RANGAP1: variants seen among roughly 807,000 people sequenced by gnomAD.
The protein encoded by RANGAP1 is ran GTPase-activating protein 1.
Under a neutral mutation model 63.5 loss-of-function variants are expected in RANGAP1, and 38 were observed. The observed-to-expected ratio is 0.60, with a 90% confidence interval of 0.46 to 0.78. RANGAP1 has a LOEUF of 0.78. RANGAP1 is among the 30% of genes least tolerant of loss of function. The probability of loss-of-function intolerance (pLI) is 0.00; values close to 1 mark genes in which losing one functional copy is unlikely to be tolerated. For synonymous variants in RANGAP1, 329 were observed against 310.5 expected (o/e 1.06, Z -0.63); for missense variants, 630 against 740.3 (o/e 0.85, Z 1.73).
intron 12 of RANGAP1, among the ~76,000 whole-genome samples, 198 bp downstream of exon 12, chr22:41,252,674 G>C (rs2033543844): frequency 6.6e-6 from 1 of 152,162 alleles, no homozygotes; most frequent in Non-Finnish European, 1.5e-5. Context: ...TAGGCTGAGT[G>C]GGGAGGGAAC....
chr22:41,280,591 A>C, intron 2 of RANGAP1: 1 of 1,132,318 alleles, frequency 8.8e-7, no homozygotes, highest in Non-Finnish European at 1.2e-6. Flanking sequence ...CATGGGGGTT[A>C]AGGGCAAGGG....
Position 41,274,684 on chromosome 22 carries a change from C to T in RANGAP1, c.156G>A (p.Glu52=). 1 of 1,614,184 alleles carries T rather than the reference C, an allele frequency of 6.2e-7. No homozygotes were observed. The highest frequency in any genetic ancestry group is 8.5e-7 in the Non-Finnish European group (1 of 1,180,014). The change falls in exon 3 of 16, where the codon GAG becomes GAA. Residue 52 remains glutamate (E), a synonymous_variant. Coordinates refer to ENST00000356244, the MANE Select transcript of RANGAP1 (RefSeq NM_002883.4). The part of the protein sequence containing the change: ...IKEIEDFDSL[E]ALRLEGNTVG... ...CTGTGTTGCCTTCCAGACGCAGAGC[C>T]TCCAAGCTGTCAAAGTCTTCAATCT...
chr22:41,272,496 T>C (rs1601681681), intron 3 of RANGAP1, among the ~76,000 whole-genome samples: 1 of 152,116 alleles, frequency 6.6e-6, no homozygotes, highest in African/African-American at 2.4e-5. Flanking sequence ...AGGAGTGTGA[T>C]GTGTGGCTTG....
chr22:41,296,967 T>C, the RANGAP1 span, among the ~76,000 whole-genome samples: 2 of 152,024 alleles, frequency 1.3e-5, no homozygotes, highest in African/African-American at 4.8e-5. Flanking sequence ...TCCTAGCACT[T>C]TGGGAGGCCG....
At chr22:41,246,819 G>A (rs755104120) in intron 15 of RANGAP1, 147 bp from the exon 16 acceptor site, 26 of 762,986 alleles carry the variant, frequency 3.4e-5, no homozygotes, top group Non-Finnish European at 5.0e-5. Context: ...TCTGCACACC[G>A]TGGGTGGGGA....
chr22:41,272,164 G>A (rs1354434705), intron 3 of RANGAP1, among the ~76,000 whole-genome samples: 3 of 152,196 alleles, frequency 2.0e-5, no homozygotes, highest in Non-Finnish European at 4.4e-5. Flanking sequence ...AGCAAGCTCA[G>A]CTCCTGCTGA....
At chr22:41,271,972 A>T (rs955815815) in intron 3 of RANGAP1, among the ~76,000 whole-genome samples, 1 of 152,214 alleles carries the variant, frequency 6.6e-6, no homozygotes, top group Admixed American at 6.5e-5. Context: ...CTGCATCTGT[A>T]GCAGGCGGGA....
upstream of RANGAP1, among the ~76,000 whole-genome samples, chr22:41,287,077 G>C (rs776684435): frequency 1.1e-4 from 16 of 152,162 alleles, no homozygotes; most frequent in Non-Finnish European, 2.4e-4. Flanking sequence ...GACTATATTA[G>C]ATAATAGTAT....
Position 41,277,203 on chromosome 22 carries a change from A to G in RANGAP1, c.113-2476T>C, listed in dbSNP as rs561771786. Among the ~76,000 whole-genome samples, 561 of 142,374 alleles carry G rather than the reference A, an allele frequency of 3.9e-3. 3 individuals are homozygous for G. The highest frequency in any genetic ancestry group is 5.3e-3 in the Non-Finnish European group (351 of 65,944). The allele number at this position is 142,374 out of a possible 152,430, so 93.4% of individuals were successfully genotyped here. A position where few individuals can be genotyped will look rare whatever the true frequency, so the allele number is the denominator to read the frequency against. Reference sequence around the variant, plus strand: ...CGCCATTCTCCTGCCTCAGCCTCCCAAGTAGCTGGGACTACAGGCGCCCGC... The same window carrying G: ...CGCCATTCTCCTGCCTCAGCCTCCCGAGTAGCTGGGACTACAGGCGCCCGC... On this transcript the variant is annotated intron_variant, in intron 2 of 15. Transcript: ENST00000356244.
the RANGAP1 span, among the ~76,000 whole-genome samples, chr22:41,296,143 G>T: frequency 6.6e-6 from 1 of 151,644 alleles, no homozygotes; most frequent in Non-Finnish European, 1.5e-5. Context: ...GATGTAAAAA[G>T]TTCTACTGAA....
chr22:41,247,246 A>G (rs1193051203), intron 15 of RANGAP1, among the ~76,000 whole-genome samples: 1 of 151,970 alleles, frequency 6.6e-6, no homozygotes, highest in Non-Finnish European at 1.5e-5. Flanking sequence ...TAGTAGAGAC[A>G]GGGTTTCACC....
At chr22:41,261,635 G>T (rs1483243773) in intron 5 of RANGAP1, 55 bp from the exon 6 acceptor site, 5 of 1,610,596 alleles carry the variant, frequency 3.1e-6, no homozygotes, top group Middle Eastern at 3.4e-4. Context: ...TCTCCCAGCG[G>T]GGTGGCCACT....
chr22:41,283,677 G>A (rs1442311188), intron 1 of RANGAP1, among the ~76,000 whole-genome samples: 1 of 152,212 alleles, frequency 6.6e-6, no homozygotes, highest in African/African-American at 2.4e-5. Flanking sequence ...TGTAGGGGCA[G>A]AGGGTTGGAG....
At chr22:41,297,729 C>T in the RANGAP1 span, among the ~76,000 whole-genome samples, 3 of 141,370 alleles carry the variant, frequency 2.1e-5, no homozygotes, top group Admixed American at 7.3e-5. Flanking sequence ...CTTGCTCTAT[C>T]GCCCAAGCTG....
At chr22:41,277,838 C>A (rs929732471) in intron 2 of RANGAP1, among the ~76,000 whole-genome samples, 1 of 152,162 alleles carries the variant, frequency 6.6e-6, no homozygotes, top group African/African-American at 2.4e-5. Flanking sequence ...AGCCTTTTCA[C>A]TTGTTTTCAT....
Position 41,254,291 on chromosome 22 carries a change from AGAT to A in RANGAP1, c.1260+14_1260+16del. The stretch of plus-strand genomic sequence containing the variant: ...TCAGGACCAGGGCTCTGATTGTGGC[AGAT>A]GATAGAAACTCACCCCAGTGTTAGG... On this transcript the variant is annotated intron_variant, in intron 11 of 15. Coordinates refer to ENST00000356244, the MANE Select transcript of RANGAP1 (RefSeq NM_002883.4). The A allele has an allele frequency of 6.2e-7, 1 of 1,614,044 alleles. No individual in the cohort carries two copies. The highest frequency in any genetic ancestry group is 8.5e-7 in the Non-Finnish European group (1 of 1,179,976).
chr22:41,256,184 C>T lies in RANGAP1; in HGVS notation c.988+7G>A, dbSNP rs909335596. The T allele has an allele frequency of 1.5e-5, 24 of 1,613,984 alleles. No homozygotes were observed. In the African/African-American group the frequency reaches 2.4e-4, roughly 16 times the overall value. On this transcript the variant is annotated splice_region_variant and intron_variant, in intron 9 of 15. Transcript: ENST00000356244. ...GACCTGTGCAGAGGCCTCCCCCATC[C>T]GACTACCATTCAGGTCCAGCTTCTC...
Position 41,257,551 on chromosome 22 carries a change from A to G in RANGAP1, c.774+397T>C, listed in dbSNP as rs550895557. Among the ~76,000 whole-genome samples, 13 of 152,328 alleles carry G rather than the reference A, an allele frequency of 8.5e-5. No homozygotes were observed. The East Asian group carries it at 2.5e-3, about 29-fold the overall frequency. ...GATCACTTGATCCCAGAAGTTCAAG[A>G]CCAGCTTGGGCAACAGTAAGATTCC... is the stretch of plus-strand genomic sequence containing the variant. On this transcript the variant is annotated intron_variant, in intron 7 of 15. Coordinates refer to ENST00000356244, the MANE Select transcript of RANGAP1 (RefSeq NM_002883.4). The surrounding 1 kb of genome is among the most constrained non-coding windows in gnomAD (Gnocchi z 4.0).
chr22:41,285,747 G>A (rs1256532067), intron 1 of RANGAP1: 4 of 937,442 alleles, frequency 4.3e-6, no homozygotes, highest in East Asian at 2.3e-4. Flanking sequence ...AGCAGCTGCA[G>A]GCTGAGCTGC....
Sources: allele counts gnomAD v4.1 joint callset (sites outside exome capture counted in the v4.1 genomes callset), GRCh38; gene constraint gnomAD v4.1.1; non-coding constraint Gnocchi (gnomAD v3.1); transcripts MANE v1.5; gene names NCBI Gene and HGNC (gene_info 2026-07-23, HGNC 2026-07-21).